The following CPNE2 variants were observed in gnomAD, a reference collection of about 807,000 sequenced individuals.
CPNE2 encodes copine 2.
CPNE2 carries 42 observed loss-of-function variants against 69.7 expected under a neutral mutation model. The observed-to-expected ratio is 0.60, with a 90% CI of 0.47 to 0.78. The LOEUF (loss-of-function observed/expected upper bound fraction) is 0.78. CPNE2 is among the 30% of genes least tolerant of loss of function. The pLI is 0.00. For synonymous variants in CPNE2, 294 were observed against 289.8 expected (o/e 1.01, Z -0.15); for missense variants, 587 against 732.0 (o/e 0.80, Z 2.29).
At chr16:57,103,573 C>T (rs78843423) in intron 1 of CPNE2, among the ~76,000 whole-genome samples, 1 of 152,208 alleles carries the variant, frequency 6.6e-6, no homozygotes, top group Non-Finnish European at 1.5e-5. Flanking sequence ...CTGGCCACCT[C>T]AGGCCTGCCC....
intron 13 of CPNE2, among the ~76,000 whole-genome samples, chr16:57,136,487 G>T (rs1482892508): frequency 1.3e-5 from 2 of 152,204 alleles, no homozygotes; most frequent in African/African-American, 4.8e-5. Context: ...GCTTCGCCAA[G>T]CCCCTTCTCT....
At chr16:57,099,044 G>A (rs1378543947) in intron 1 of CPNE2, among the ~76,000 whole-genome samples, 1 of 152,126 alleles carries the variant, frequency 6.6e-6, no homozygotes, top group Admixed American at 6.5e-5. Flanking sequence ...ACATATCTGG[G>A]TCACCAGAAC....
Position 57,137,204 on chromosome 16 carries a change from C to A in CPNE2, c.1224C>A (p.Tyr408Ter). 2 of 1,614,254 alleles carry A rather than the reference C, an allele frequency of 1.2e-6. No individual in the cohort carries two copies. Among genetic ancestry groups the A allele is most frequent in the Non-Finnish European group, 1.7e-6 (2 of 1,180,040 alleles). Residue 408 changes from tyrosine (Y) to a stop codon, truncating the protein, a stop_gained, in exon 14 of 16, where the codon TAC becomes TAA. Transcript: ENST00000290776. LOFTEE classifies it high-confidence loss of function. ...YSACLPHIRF[Y>*]GPTNFSPIVN... is the part of the protein sequence containing the mutation. ...CTTGCCTGCCCCACATCCGCTTCTA[C>A]GGTCCTACCAATTTCTCCCCCATCG...
At chr16:57,141,112 C>CCAGG (rs2069919534) in intron 14 of CPNE2, 1 of 152,358 alleles carries the variant, frequency 6.6e-6, no homozygotes, top group African/African-American at 2.4e-5. Flanking sequence ...AGTGTTAGCG[C>CCAGG]CAGGGCCCTT....
rs572118862 is a variant in CPNE2, at chr16:57,095,141, G to A, written c.-36+2351G>A. Reference sequence around the variant, plus strand: ...TCCCCCTTGCAGAATATGGCCTCAGGGAGTGGAGGTGGGATCTCCCCCAAC... The same window carrying A: ...TCCCCCTTGCAGAATATGGCCTCAGAGAGTGGAGGTGGGATCTCCCCCAAC... On this transcript the variant is annotated intron_variant, in intron 1 of 15. Coordinates refer to ENST00000290776, the MANE Select transcript of CPNE2 (RefSeq NM_152727.6). 8.5e-5 allele frequency among the ~76,000 whole-genome samples: 13 copies of A among 152,334 alleles called. No homozygotes were observed. In the South Asian group the frequency reaches 1.4e-3, roughly 17 times the overall value.
chr16:57,127,997 G>A lies in CPNE2; in HGVS notation c.1116+94G>A, dbSNP rs1212130429. ...AGCTCTGGAAAGGTCTTGGGCTGGG[G>A]CCCTGTTGCCCTGCCTTCCCTGTGT... On this transcript the variant is annotated intron_variant, in intron 12 of 15. Transcript: ENST00000290776. 21 of 1,233,294 alleles carry A rather than the reference G, an allele frequency of 1.7e-5. No individual in the cohort carries two copies. The East Asian group carries it at 4.6e-4, about 27-fold the overall frequency. The allele number at this position is 1,233,294 out of a possible 1,614,324, so 76.4% of individuals were successfully genotyped here. A position where few individuals can be genotyped will look rare whatever the true frequency, so the allele number is the denominator to read the frequency against.
Position 57,121,091 on chromosome 16 carries a change from A to AG in CPNE2, c.682dup. On this transcript the variant is annotated splice_acceptor_variant, in intron 7 of 15. Transcript: ENST00000290776. LOFTEE classifies it high-confidence loss of function. ...GGGGTGACCGTGCTGAACCCACCCC[A>AG]GGTCATGTGCTACGACTATGACAAT... The AG allele has an allele frequency of 6.2e-7, 1 of 1,612,140 alleles. No homozygotes were observed. Among genetic ancestry groups the AG allele is most frequent in the Non-Finnish European group, 8.5e-7 (1 of 1,178,758 alleles).
intron 14 of CPNE2, 98 bp from the exon 15 acceptor site, chr16:57,145,987 T>C: frequency 9.7e-7 from 1 of 1,034,084 alleles, no homozygotes; most frequent in Non-Finnish European, 1.5e-6. Flanking sequence ...ATGCACTGCC[T>C]TCCTCCAGGA....
Position 57,110,734 on chromosome 16 carries a change from C to A in CPNE2, c.-9C>A. The A allele has an allele frequency of 6.3e-7, 1 of 1,596,214 alleles. No homozygotes were observed. Among genetic ancestry groups the A allele is most frequent in the Non-Finnish European group, 8.5e-7 (1 of 1,170,560 alleles). ...CTGCCAGGAACTCCTGCCACCGCCA[C>A]CGGCTCCCATGGCCCACATACCCAG... On this transcript the variant is annotated 5_prime_UTR_variant, in exon 2 of 16. Transcript: ENST00000290776.
intron 10 of CPNE2, chr16:57,125,446 A>G: frequency 6.8e-6 from 3 of 438,224 alleles, no homozygotes; most frequent in South Asian, 4.7e-5. Flanking sequence ...GTTGCAGTGG[A>G]GCAGTGGCAT....
chr16:57,119,392 A>G (rs1472405195), intron 6 of CPNE2, 114 bp downstream of exon 6: 4 of 1,198,894 alleles, frequency 3.3e-6, no homozygotes, highest in Non-Finnish European at 4.9e-6. Context: ...GAAAACCCAC[A>G]GTGGCACCTG....
At chr16:57,121,240 G>A in intron 8 of CPNE2, 49 bp downstream of exon 8, 2 of 1,545,164 alleles carry the variant, frequency 1.3e-6, no homozygotes, top group Non-Finnish European at 1.8e-6. Flanking sequence ...CAGGGCTGGG[G>A]GAAGGGGCAC....
chr16:57,111,783 G>A (rs2069683399), intron 2 of CPNE2, among the ~76,000 whole-genome samples: 1 of 152,222 alleles, frequency 6.6e-6, no homozygotes, highest in Non-Finnish European at 1.5e-5. Context: ...GGACTTCTGA[G>A]CTGGAAGACT....
chr16:57,110,948 T>G (rs1567666588), intron 2 of CPNE2, 26 bp downstream of exon 2: 2 of 1,596,772 alleles, frequency 1.3e-6, no homozygotes, highest in Admixed American at 1.7e-5. Context: ...GTGTCTGCGG[T>G]GGGTAAGGGG....
chr16:57,114,220 G>A (rs921052359), intron 3 of CPNE2, among the ~76,000 whole-genome samples: 33 of 152,198 alleles, frequency 2.2e-4, no homozygotes, highest in African/African-American at 8.0e-4. Context: ...ACTGAGAAGA[G>A]AGCTTAAGGG....
At chr16:57,113,110 C>T in intron 2 of CPNE2, 178 bp from the exon 3 acceptor site, 1 of 612,718 alleles carries the variant, frequency 1.6e-6, no homozygotes. Context: ...AGTCACTTAA[C>T]CTCTCTGTGC....
At chr16:57,147,442 C>T in intron 15 of CPNE2, 109 bp from the exon 16 acceptor site, 1 of 742,096 alleles carries the variant, frequency 1.3e-6, no homozygotes, top group South Asian at 2.7e-5. Context: ...TAATTTTGTC[C>T]TCAATGGACA....
chr16:57,137,592 G>A (rs2069892424), intron 14 of CPNE2, among the ~76,000 whole-genome samples: 2 of 152,182 alleles, frequency 1.3e-5, no homozygotes, highest in Non-Finnish European at 2.9e-5. Flanking sequence ...TGGAGGCAGT[G>A]ATCCCTGAGG....
intron 3 of CPNE2, 147 bp from the exon 4 acceptor site, chr16:57,115,329 G>A: frequency 1.6e-6 from 1 of 629,366 alleles, no homozygotes; most frequent in Admixed American, 2.7e-5. Context: ...CACCTCCCAG[G>A]GTGATGATGA....
Sources: gnomAD v4.1 joint callset for allele counts (sites outside exome capture counted in the v4.1 genomes callset) on GRCh38, gnomAD v4.1.1 for gene constraint, MANE v1.5 for transcripts, NCBI Gene and HGNC (gene_info 2026-07-23, HGNC 2026-07-21) for gene names.